The following SAXO1 variants were observed in gnomAD, a reference collection of about 807,000 sequenced individuals.
SAXO1 encodes the protein stabilizer of axonemal microtubules 1, also known as 4930500O09Rik.
SAXO1 carries 21 observed loss-of-function variants against 17.5 expected under a neutral mutation model. The ratio of observed to expected loss-of-function variants is 1.20; its 90% CI spans 0.85 to 1.72. The LOEUF (loss-of-function observed/expected upper bound fraction) is 1.72, where lower values mean the gene tolerates loss of function less well. Among genes scored for constraint, SAXO1 ranks in the 40% most tolerant of loss-of-function variants. SAXO1 has a pLI of 0.00. For synonymous variants in SAXO1, 274 were observed against 216.5 expected (o/e 1.27, Z -2.33); for missense variants, 843 against 596.0 (o/e 1.41, Z -4.32).
At position 19,045,230 on chromosome 9, in the gene SAXO1, A is replaced by C. The variant is rs1210700675; in HGVS notation, c.-158+3979T>G. Among the ~76,000 whole-genome samples the C allele has an allele frequency of 2.1e-5, 3 of 143,404 alleles. No individual in the cohort carries two copies. The East Asian group carries it at 6.5e-4, about 31-fold the overall frequency. The allele number at this position is 143,404 out of a possible 152,430, so 94.1% of individuals were successfully genotyped here. A position where few individuals can be genotyped will look rare whatever the true frequency, so the allele number is the denominator to read the frequency against. On this transcript the variant is annotated intron_variant, in intron 1 of 3. Transcript: ENST00000542071. ...GAGGCTGAGGCAGGAGAATGGCGTG[A>C]ACCTGGGAAGCGGAGCTTGCAGTGA...
intron 1 of SAXO1, among the ~76,000 whole-genome samples, chr9:19,009,473 A>C (rs187979521): frequency 5.3e-5 from 8 of 152,228 alleles, no homozygotes; most frequent in Non-Finnish European, 8.8e-5. Context: ...GAAGCCCCCA[A>C]GTTATAAGAC....
chr9:18,972,704 C>T (rs1832994713), intron 1 of SAXO1, among the ~76,000 whole-genome samples: 1 of 152,164 alleles, frequency 6.6e-6, no homozygotes, highest in Admixed American at 6.5e-5. Flanking sequence ...CTAAGAAGCC[C>T]AGCGTACCAA....
chr9:18,979,331 A>G (rs763694062), intron 1 of SAXO1, among the ~76,000 whole-genome samples: 95 of 152,366 alleles, frequency 6.2e-4, no homozygotes, highest in Non-Finnish European at 1.1e-3. Flanking sequence ...AAATAAAGAC[A>G]TACTTGTTTT....
At chr9:18,965,878 G>C (rs1314412083) in intron 1 of SAXO1, among the ~76,000 whole-genome samples, 1 of 152,232 alleles carries the variant, frequency 6.6e-6, no homozygotes, top group East Asian at 1.9e-4. Flanking sequence ...TGCGTGGCTG[G>C]TACCGTCTTT....
At chr9:19,000,071 G>A (rs547606058) in intron 1 of SAXO1, among the ~76,000 whole-genome samples, 80 of 147,898 alleles carry the variant, frequency 5.4e-4, no homozygotes, top group South Asian at 3.5e-3. Context: ...TGGGAAGTGA[G>A]GAGTGCCTCT....
chr9:18,999,055 CA>C (rs1834134856), intron 1 of SAXO1, among the ~76,000 whole-genome samples: 1 of 152,294 alleles, frequency 6.6e-6, no homozygotes, highest in East Asian at 1.9e-4. Context: ...AATTAATGTG[CA>C]AAATAACCAG....
At chr9:18,978,982 A>G (rs1282649098) in intron 1 of SAXO1, among the ~76,000 whole-genome samples, 1 of 152,210 alleles carries the variant, frequency 6.6e-6, no homozygotes, top group Non-Finnish European at 1.5e-5. Flanking sequence ...CTGCAAAGGA[A>G]TATTTCACAA....
intron 1 of SAXO1, among the ~76,000 whole-genome samples, chr9:18,971,936 CTAATAAT>C (rs765324193): frequency 2.3e-3 from 10 of 4,418 alleles, no homozygotes; most frequent in Non-Finnish European, 2.7e-3. Flanking sequence ...TATGGATTCA[CTAATAAT>C]AACAAAAGAG....
intron 1 of SAXO1, among the ~76,000 whole-genome samples, chr9:18,991,883 C>A (rs73433208): frequency 1.3e-5 from 2 of 152,256 alleles, no homozygotes; most frequent in African/African-American, 4.8e-5. Context: ...GATTTTGAGA[C>A]CTTTGGCTAC....
At chr9:18,950,616 A>G in intron 2 of SAXO1, 142 bp downstream of exon 2, 1 of 700,360 alleles carries the variant, frequency 1.4e-6, no homozygotes. Flanking sequence ...GAGATATAGT[A>G]CATTAAGGCA....
At chr9:19,027,332 A>C in intron 1 of SAXO1, 1 of 797,384 alleles carries the variant, frequency 1.3e-6, no homozygotes, top group South Asian at 1.3e-5. Context: ...TCCTGGAGAC[A>C]CTGCCCAGAG....
intron 1 of SAXO1, among the ~76,000 whole-genome samples, chr9:19,009,774 C>A (rs1834647971): frequency 6.6e-6 from 1 of 152,064 alleles, no homozygotes; most frequent in South Asian, 2.1e-4. Context: ...TTTCCATCAC[C>A]TCAAAAAGAA....
chr9:19,025,764 A>G (rs779447047), intron 1 of SAXO1, among the ~76,000 whole-genome samples: 1 of 152,258 alleles, frequency 6.6e-6, no homozygotes, highest in African/African-American at 2.4e-5. Context: ...AGCTATATCA[A>G]TCCCTTCATT....
intron 1 of SAXO1, among the ~76,000 whole-genome samples, chr9:18,997,171 G>A (rs1039623544): frequency 2.6e-5 from 4 of 152,226 alleles, no homozygotes; most frequent in Non-Finnish European, 5.9e-5. Flanking sequence ...CAAGGGGTTG[G>A]GGGATTTCCC....
At chr9:19,033,499 C>A (rs1407942826), upstream of SAXO1, among the ~76,000 whole-genome samples, 5 of 152,236 alleles carry the variant, frequency 3.3e-5, no homozygotes, top group African/African-American at 1.2e-4. Context: ...TCTCTAGGAT[C>A]CATGGTGCCC....
chr9:18,952,556 T>C (rs569948328), intron 1 of SAXO1, among the ~76,000 whole-genome samples: 1 of 152,356 alleles, frequency 6.6e-6, no homozygotes, highest in South Asian at 2.1e-4. Flanking sequence ...TGGCTAGAAT[T>C]GCATATTAAC....
At chr9:18,960,876 G>GA (rs530772436) in intron 1 of SAXO1, among the ~76,000 whole-genome samples, 3 of 152,284 alleles carry the variant, frequency 2.0e-5, no homozygotes, top group East Asian at 3.9e-4. Context: ...TCTTTAGTGG[G>GA]AAAAAAGTCA....
chr9:18,944,233 G>A (rs1055733467), intron 2 of SAXO1, among the ~76,000 whole-genome samples: 1 of 152,180 alleles, frequency 6.6e-6, no homozygotes, highest in African/African-American at 2.4e-5. Flanking sequence ...TACTTCTGAA[G>A]AGAAGAAAAA....
chr9:18,990,116 A>G (rs1484930446), intron 1 of SAXO1, among the ~76,000 whole-genome samples: 3 of 152,062 alleles, frequency 2.0e-5, no homozygotes, highest in Non-Finnish European at 4.4e-5. Context: ...GACTGAAGCT[A>G]CATTTGATTT....
Sources: gnomAD v4.1 joint callset for allele counts (sites outside exome capture counted in the v4.1 genomes callset) on GRCh38, gnomAD v4.1.1 for gene constraint, MANE v1.5 for transcripts, NCBI Gene and HGNC (gene_info 2026-07-23, HGNC 2026-07-21) for gene names.